The following SAMSN1 variants were observed in gnomAD, a reference collection of about 807,000 sequenced individuals.
SAMSN1 encodes SAM domain-containing protein SAMSN-1.
Under a neutral mutation model 42.0 loss-of-function variants are expected in SAMSN1, and 31 were observed. That is an observed-to-expected ratio of 0.74 (90% CI 0.55 to 1.00). SAMSN1 has a LOEUF of 1.00. Among genes scored for constraint, SAMSN1 ranks in the 50% least tolerant of loss-of-function variants. SAMSN1 has a pLI of 0.00. For missense variants in SAMSN1, 464 were observed against 439.4 expected, an observed-to-expected ratio of 1.06 and a Z score of -0.50; for synonymous variants, 178 against 151.9, an observed-to-expected ratio of 1.17 and a Z score of -1.26.
At chr21:14,613,550 C>T (rs1340069210) in intron 3 of SAMSN1, among the ~76,000 whole-genome samples, 2 of 152,092 alleles carry the variant, frequency 1.3e-5, no homozygotes, top group African/African-American at 4.8e-5. Flanking sequence ...ACTGAGTTTA[C>T]CATTTTTTCA....
chr21:14,546,735 A>C (rs529403083), upstream of SAMSN1, among the ~76,000 whole-genome samples: 58 of 151,262 alleles, frequency 3.8e-4, no homozygotes, highest in African/African-American at 1.4e-3. Context: ...TTTGATACGG[A>C]ATCTCACTCT....
intron 7 of SAMSN1, among the ~76,000 whole-genome samples, chr21:14,497,516 T>C (rs905987067): frequency 6.6e-5 from 10 of 152,112 alleles, no homozygotes; most frequent in African/African-American, 2.4e-4. Context: ...CGCTTCAACC[T>C]GGGAGGCGGA....
At chr21:14,624,214 G>T (rs1983099747) in intron 2 of SAMSN1, among the ~76,000 whole-genome samples, 1 of 152,132 alleles carries the variant, frequency 6.6e-6, no homozygotes, top group South Asian at 2.1e-4. Flanking sequence ...ACAATTAAAA[G>T]AACTAGAGAA....
intron 2 of SAMSN1, among the ~76,000 whole-genome samples, chr21:14,554,186 T>C (rs1419066682): frequency 1.3e-5 from 2 of 152,170 alleles, no homozygotes; most frequent in African/African-American, 4.8e-5. Context: ...TGTTCTTAAG[T>C]TTTGGAAAGG....
chr21:14,634,207 A>AT (rs1361945537), intron 2 of SAMSN1, among the ~76,000 whole-genome samples: 1 of 151,752 alleles, frequency 6.6e-6, no homozygotes, highest in Non-Finnish European at 1.5e-5. Context: ...ACTATAAAAA[A>AT]AACCCTAGAA....
intron 2 of SAMSN1, among the ~76,000 whole-genome samples, chr21:14,577,224 TTATA>T (rs1337049282): frequency 2.3e-4 from 19 of 84,172 alleles, no homozygotes; most frequent in Non-Finnish European, 2.9e-4. Context: ...GTGGGCTAAT[TTATA>T]TATATGTGTG....
At chr21:14,620,748 G>A (rs1982980701) in intron 2 of SAMSN1, among the ~76,000 whole-genome samples, 1 of 152,082 alleles carries the variant, frequency 6.6e-6, no homozygotes, top group African/African-American at 2.4e-5. Context: ...CTTACATGAT[G>A]TCAAACACAC....
intron 3 of SAMSN1, among the ~76,000 whole-genome samples, chr21:14,514,041 A>G (rs150705867): frequency 2.6e-5 from 4 of 152,280 alleles, no homozygotes; most frequent in African/African-American, 9.6e-5. Flanking sequence ...CATTTGCACT[A>G]AAGCCATGCT....
chr21:14,626,253 G>A (rs896055299), intron 2 of SAMSN1, among the ~76,000 whole-genome samples: 1 of 152,064 alleles, frequency 6.6e-6, no homozygotes, highest in Non-Finnish European at 1.5e-5. Context: ...CAAAAGCAAT[G>A]GCAACAAAAG....
chr21:14,492,701 A>G (rs1044485498), intron 7 of SAMSN1, among the ~76,000 whole-genome samples: 1 of 152,154 alleles, frequency 6.6e-6, no homozygotes, highest in Non-Finnish European at 1.5e-5. Context: ...GAATCCTTAT[A>G]CTTTATTTTA....
intron 5 of SAMSN1, among the ~76,000 whole-genome samples, 154 bp downstream of exon 5, chr21:14,510,156 A>G (rs1416656276): frequency 6.6e-6 from 1 of 151,732 alleles, no homozygotes; most frequent in Non-Finnish European, 1.5e-5. Flanking sequence ...AAAAAAAAAA[A>G]GAAAAAAAGT....
At chr21:14,571,087 T>C (rs1255931574) in intron 2 of SAMSN1, among the ~76,000 whole-genome samples, 1 of 152,190 alleles carries the variant, frequency 6.6e-6, no homozygotes, top group East Asian at 1.9e-4. Context: ...TTCTGACTCC[T>C]CGCCTATTAT....
At chr21:14,615,328 A>AT (rs928710802) in intron 3 of SAMSN1, among the ~76,000 whole-genome samples, 1 of 151,544 alleles carries the variant, frequency 6.6e-6, no homozygotes, top group South Asian at 2.1e-4. Context: ...AAGAAAAAAA[A>AT]AGGAAAGAAT....
chr21:14,492,387 G>T (rs558469551), intron 7 of SAMSN1, among the ~76,000 whole-genome samples: 1 of 152,282 alleles, frequency 6.6e-6, no homozygotes, highest in South Asian at 2.1e-4. Flanking sequence ...TATAATAATA[G>T]AATACTGACT....
At chr21:14,597,156 T>G (rs1231611836) in intron 6 of SAMSN1, among the ~76,000 whole-genome samples, 2 of 152,124 alleles carry the variant, frequency 1.3e-5, no homozygotes, top group Admixed American at 6.6e-5. Flanking sequence ...TTGTTCACAC[T>G]TTTGTTTAGA....
At chr21:14,547,017 G>A (rs536324729), upstream of SAMSN1, among the ~76,000 whole-genome samples, 34 of 152,220 alleles carry the variant, frequency 2.2e-4, no homozygotes, top group African/African-American at 8.2e-4. Context: ...AACACAGTTA[G>A]AAGATAAAAT....
chr21:14,612,063 C>T (rs192466198), intron 4 of SAMSN1, among the ~76,000 whole-genome samples: 1 of 152,262 alleles, frequency 6.6e-6, no homozygotes, highest in East Asian at 1.9e-4. Context: ...TGAAACCTGT[C>T]TCTACTAAAA....
chr21:14,510,819 GTGTACCA>G (rs1223805648), intron 4 of SAMSN1, among the ~76,000 whole-genome samples: 1 of 152,186 alleles, frequency 6.6e-6, no homozygotes, highest in Non-Finnish European at 1.5e-5. Context: ...AGTTCCCACT[GTGTACCA>G]AAGGCCATTT....
At chr21:14,637,004 TGAAGA>T (rs1436451920) in intron 2 of SAMSN1, among the ~76,000 whole-genome samples, 10 of 152,184 alleles carry the variant, frequency 6.6e-5, no homozygotes, top group Non-Finnish European at 1.0e-4. Flanking sequence ...CTTCCCTAAG[TGAAGA>T]GGAGAATTGA....
Sources: allele counts gnomAD v4.1 joint callset (sites outside exome capture counted in the v4.1 genomes callset), GRCh38; gene constraint gnomAD v4.1.1; transcripts MANE v1.5; gene names NCBI Gene and HGNC (gene_info 2026-07-23, HGNC 2026-07-21).